The following SMURF2 variants were observed in gnomAD, a reference collection of about 807,000 sequenced individuals.
SMURF2 encodes the protein SMAD specific E3 ubiquitin protein ligase 2, also known as E3 ubiquitin-protein ligase SMURF2.
Under a neutral mutation model 109.6 loss-of-function variants are expected in SMURF2, and 48 were observed. That is an observed-to-expected ratio of 0.44 (90% CI 0.35 to 0.56). The LOEUF (loss-of-function observed/expected upper bound fraction) is 0.56, where lower values mean the gene tolerates loss of function less well. SMURF2 is among the 20% of genes least tolerant of loss of function. The pLI, the probability that SMURF2 is intolerant of heterozygous loss-of-function variation, is 0.01. For synonymous variants in SMURF2, 288 were observed against 317.1 expected (o/e 0.91, Z 0.97); for missense variants, 575 against 909.0 (o/e 0.63, Z 4.72).
chr17:64,577,102 A>G (rs1213381546), intron 9 of SMURF2, among the ~76,000 whole-genome samples: 1 of 151,918 alleles, frequency 6.6e-6, no homozygotes, highest in African/African-American at 2.4e-5. Flanking sequence ...CTATAAAGAC[A>G]CATGCACACG....
intron 1 of SMURF2, among the ~76,000 whole-genome samples, chr17:64,649,257 A>G (rs1286351038): frequency 1.3e-5 from 2 of 152,186 alleles, no homozygotes; most frequent in African/African-American, 4.8e-5. Context: ...TCAGTTTTAC[A>G]GGTTTTTACA....
At chr17:64,621,459 A>C (rs1970200553) in intron 1 of SMURF2, among the ~76,000 whole-genome samples, 1 of 152,014 alleles carries the variant, frequency 6.6e-6, no homozygotes, top group South Asian at 2.1e-4. Flanking sequence ...GTGTGCCTGT[A>C]GTCCCAGCTA....
At chr17:64,645,942 G>A (rs1970553651) in intron 1 of SMURF2, among the ~76,000 whole-genome samples, 1 of 152,006 alleles carries the variant, frequency 6.6e-6, no homozygotes, top group Admixed American at 6.6e-5. Flanking sequence ...AAATAAGTAG[G>A]TAATGAAAGA....
At chr17:64,552,390 A>C (rs1969058463) in intron 15 of SMURF2, among the ~76,000 whole-genome samples, 1 of 152,174 alleles carries the variant, frequency 6.6e-6, no homozygotes, top group Non-Finnish European at 1.5e-5. Flanking sequence ...CACAGAACTT[A>C]CTCATCTGTC....
rs558055830 is a variant in SMURF2, at chr17:64,632,333, A to C, written c.53-25693T>G. On this transcript the variant is annotated intron_variant, in intron 1 of 18. Coordinates refer to ENST00000262435, the MANE Select transcript of SMURF2 (RefSeq NM_022739.4). ...TTTTGACTTGCCACATCAATCACAA[A>C]TTTATACATTAGCTCAGATGTCCGG... 6.0e-4 allele frequency among the ~76,000 whole-genome samples: 91 copies of C among 152,228 alleles called. No individual in the cohort carries two copies. In the South Asian group the frequency reaches 0.017, roughly 29 times the overall value.
chr17:64,583,406 G>C lies in SMURF2; in HGVS notation c.569+55C>G, dbSNP rs1598281781. ...GTAAAGCTGACAGATAAATAGAAAA[G>C]GACTTCAGGAGGGTGGCTGGCATAG... On this transcript the variant is annotated intron_variant, in intron 7 of 18. Coordinates refer to ENST00000262435, the MANE Select transcript of SMURF2 (RefSeq NM_022739.4). 5.0e-6 allele frequency: 7 copies of C among 1,407,056 alleles called. No individual in the cohort carries two copies. In the South Asian group the frequency reaches 8.2e-5, roughly 16 times the overall value. 87.2% of individuals were successfully genotyped at this position (1,407,056 alleles called of 1,614,324 possible).
At chr17:64,625,950 A>G (rs797025844) in intron 1 of SMURF2, among the ~76,000 whole-genome samples, 4 of 152,336 alleles carry the variant, frequency 2.6e-5, no homozygotes, top group African/African-American at 9.6e-5. Context: ...ATACTCTTCC[A>G]AATGATTCTA....
At chr17:64,584,869 G>A (rs1373425520) in intron 6 of SMURF2, among the ~76,000 whole-genome samples, 1 of 152,068 alleles carries the variant, frequency 6.6e-6, no homozygotes, top group Non-Finnish European at 1.5e-5. Context: ...AGAACAATAA[G>A]CCTTATTACT....
At chr17:64,550,047 T>A (rs1220857981) in intron 16 of SMURF2, among the ~76,000 whole-genome samples, 1 of 152,234 alleles carries the variant, frequency 6.6e-6, no homozygotes, top group Non-Finnish European at 1.5e-5. Flanking sequence ...AATCCTCGTT[T>A]ATTGTATAAA....
rs1225917077 is a variant in SMURF2, at chr17:64,660,965, C to T, written c.52+864G>A. 2.0e-5 allele frequency: 3 copies of T among 152,140 alleles called. No individual in the cohort carries two copies. The East Asian group carries it at 5.8e-4, about 29-fold the overall frequency. 9.4% of individuals were successfully genotyped at this position (152,140 alleles called of 1,614,324 possible). On this transcript the variant is annotated intron_variant, in intron 1 of 18. Transcript: ENST00000262435. The stretch of plus-strand genomic sequence containing the variant: ...ACACTTTGTAAGTGTAGTCTTCTAT[C>T]TGGCAACCCCTCCGGACATTCTTTT...
intron 1 of SMURF2, among the ~76,000 whole-genome samples, chr17:64,647,285 GA>G (rs1294030847): frequency 3.3e-5 from 5 of 150,406 alleles, no homozygotes; most frequent in South Asian, 2.1e-4. Flanking sequence ...GAAAAAAAAA[GA>G]AAAAAAAATC....
At chr17:64,583,029 G>A (rs748150844) in intron 7 of SMURF2, among the ~76,000 whole-genome samples, 1 of 151,990 alleles carries the variant, frequency 6.6e-6, no homozygotes. Context: ...GTCCCAAGTA[G>A]CTGGGACCAC....
chr17:64,594,427 G>A (rs2144657617), intron 3 of SMURF2, among the ~76,000 whole-genome samples: 1 of 152,140 alleles, frequency 6.6e-6, no homozygotes, highest in East Asian at 1.9e-4. Flanking sequence ...CTTGAGCCCC[G>A]GGATCCAGCT....
intron 16 of SMURF2, among the ~76,000 whole-genome samples, chr17:64,550,549 G>T (rs558740868): frequency 2.2e-4 from 33 of 152,278 alleles, no homozygotes; most frequent in Admixed American, 1.3e-3. Flanking sequence ...GAAGGCCGAG[G>T]TGGGTGGATT....
chr17:64,636,602 CAAAAAAAAAAAAAA>C (rs782425202), intron 1 of SMURF2, among the ~76,000 whole-genome samples: 15 of 38,754 alleles, frequency 3.9e-4, no homozygotes, highest in Non-Finnish European at 6.1e-4. Context: ...GACTCTGCCT[CAAAAAAAAAAAAAA>C]AAAAAAAAAA....
intron 1 of SMURF2, 114 bp from the exon 2 acceptor site, chr17:64,606,754 G>C (rs998715663): frequency 1.6e-5 from 11 of 708,802 alleles, no homozygotes; most frequent in Admixed American, 3.7e-5. Context: ...ACTATAGCAA[G>C]GTATGAAACA....
At chr17:64,597,835 T>A (rs369803787) in intron 3 of SMURF2, among the ~76,000 whole-genome samples, 3 of 151,270 alleles carry the variant, frequency 2.0e-5, no homozygotes, top group Non-Finnish European at 2.9e-5. Context: ...ATAAAATACA[T>A]ATCTAGAAAC....
At chr17:64,566,878 GTT>G (rs782484938) in intron 10 of SMURF2, among the ~76,000 whole-genome samples, 4 of 121,952 alleles carry the variant, frequency 3.3e-5, no homozygotes, top group Admixed American at 8.5e-5. Flanking sequence ...CTGACAGAGA[GTT>G]TTTTTTTTTT....
chr17:64,659,132 C>A (rs1970740724), intron 1 of SMURF2, among the ~76,000 whole-genome samples: 2 of 152,076 alleles, frequency 1.3e-5, no homozygotes, highest in South Asian at 4.1e-4. Context: ...ATTTCCTCTT[C>A]TTCAGAGAGA....
Sources: gnomAD v4.1 joint callset for allele counts (sites outside exome capture counted in the v4.1 genomes callset) on GRCh38, gnomAD v4.1.1 for gene constraint, MANE v1.5 for transcripts, NCBI Gene and HGNC (gene_info 2026-07-23, HGNC 2026-07-21) for gene names.